Variants in ARHGAP32 observed in about 807,000 individuals in gnomAD.
ARHGAP32 encodes the protein Rho GTPase activating protein 32.
In ARHGAP32, 51 loss-of-function variants were observed where a neutral mutation model predicts 186.5. The ratio of observed to expected loss-of-function variants is 0.27; its 90% CI spans 0.22 to 0.35. The LOEUF (loss-of-function observed/expected upper bound fraction) is 0.35. Ranked by LOEUF, ARHGAP32 falls within the 10% of genes least tolerant of loss-of-function variation. ARHGAP32 has a pLI of 1.00. For missense variants in ARHGAP32, 2,186 were observed against 2,623.5 expected (o/e 0.83, Z 3.64); for synonymous variants, 950 against 964.3 (o/e 0.99, Z 0.27).
At chr11:129,177,716 G>A (rs1016427026) in intron 1 of ARHGAP32, among the ~76,000 whole-genome samples, 4 of 152,058 alleles carry the variant, frequency 2.6e-5, no homozygotes, top group African/African-American at 9.7e-5. Flanking sequence ...ATGCAGAAAA[G>A]GCCTTTGACA....
chr11:129,228,504 C>A (rs1944814533), intron 1 of ARHGAP32, among the ~76,000 whole-genome samples: 1 of 151,958 alleles, frequency 6.6e-6, no homozygotes, highest in Non-Finnish European at 1.5e-5. Context: ...TAAAAGATAA[C>A]AAAATTGGAA....
chr11:129,012,402 C>G (rs1938125507), intron 11 of ARHGAP32, among the ~76,000 whole-genome samples: 1 of 152,180 alleles, frequency 6.6e-6, no homozygotes, highest in African/African-American at 2.4e-5. Context: ...GAAGCTCTAT[C>G]CACTTTAAAA....
chr11:129,085,997 AAAAC>A lies in ARHGAP32; in HGVS notation c.531+7620_531+7623del, dbSNP rs1185381573. 3.2e-4 allele frequency among the ~76,000 whole-genome samples: 48 copies of A among 148,870 alleles called. 1 individual carries two copies. The highest frequency in any genetic ancestry group is 3.4e-4 in the Admixed American group (5 of 14,864). On this transcript the variant is annotated intron_variant, in intron 6 of 22. Transcript: ENST00000682385. ...CAACAGAGCAAGACTCCATCTCAAA[AAAAC>A]AAACAAACAAACAAACAAAAAAAAA... is the stretch of plus-strand genomic sequence containing the variant.
intron 1 of ARHGAP32, among the ~76,000 whole-genome samples, chr11:129,252,249 T>C (rs1287969676): frequency 6.6e-6 from 1 of 152,164 alleles, no homozygotes; most frequent in Non-Finnish European, 1.5e-5. Context: ...TAATTTTGAT[T>C]AGCAATAGAA....
chr11:129,036,380 CAAAAAAAAA>C lies in ARHGAP32; in HGVS notation c.1045+4539_1045+4547del, dbSNP rs58678377. ...GGGCAACAAGAGCGAAACTCCGTCT[CAAAAAAAAA>C]AAAAAAAAAAAAAAAAAGAGAGAAA... is the stretch of plus-strand genomic sequence containing the variant. On this transcript the variant is annotated intron_variant, in intron 11 of 22. Coordinates refer to ENST00000682385, the MANE Select transcript of ARHGAP32 (RefSeq NM_001378024.1). 6.5e-4 allele frequency among the ~76,000 whole-genome samples: 64 copies of C among 98,680 alleles called. 1 individual carries two copies. In the East Asian group the frequency reaches 0.012, roughly 18 times the overall value. The allele number at this position is 98,680 out of a possible 152,430, so 64.7% of individuals were successfully genotyped here.
At chr11:129,205,036 G>A (rs1325065876) in intron 1 of ARHGAP32, among the ~76,000 whole-genome samples, 1 of 152,022 alleles carries the variant, frequency 6.6e-6, no homozygotes, top group African/African-American at 2.4e-5. Flanking sequence ...TTAATCATTT[G>A]AAGAATAAAA....
chr11:128,973,932 ATTGGCCCTT>A, intron 21 of ARHGAP32, 183 bp downstream of exon 21: 1 of 632,586 alleles, frequency 1.6e-6, no homozygotes, highest in Non-Finnish European at 2.7e-6. Flanking sequence ...AAGCAGGACC[ATTGGCCCTT>A]TTGGGGAGTT....
Position 128,973,305 on chromosome 11 carries a change from T to G in ARHGAP32, c.3201A>C (p.Gln1067His), listed in dbSNP as rs1419386021. The G allele has an allele frequency of 6.2e-7, 1 of 1,614,068 alleles. No individual in the cohort carries two copies. The highest frequency in any genetic ancestry group is 8.5e-7 in the Non-Finnish European group (1 of 1,180,036). The change falls in exon 22 of 23, where the codon CAA becomes CAC. Residue 1067 changes from glutamine (Q) to histidine (H), a missense_variant. Gln to His is a conservative substitution (Grantham distance 24). Coordinates refer to ENST00000682385, the MANE Select transcript of ARHGAP32 (RefSeq NM_001378024.1). ...GTCTCTTCAATGACTGAGTTGAGGC[T>G]TGCTGTGCGGACTCAGCTAATGCTA... ...LALALAESAQ[Q>H]ASTQSLKRPG...
At chr11:129,160,628 C>T (rs1358486740) in intron 2 of ARHGAP32, among the ~76,000 whole-genome samples, 3 of 152,094 alleles carry the variant, frequency 2.0e-5, no homozygotes, top group Admixed American at 1.3e-4. Flanking sequence ...TCAAGGAGAA[C>T]TACAAACCAC....
chr11:129,060,819 T>A (rs621989), intron 10 of ARHGAP32, among the ~76,000 whole-genome samples: 42,580 of 151,866 alleles, frequency 0.28, 7,339 homozygotes, highest in African/African-American at 0.49. Context: ...TAAAAAAAAA[T>A]TATACATCAG....
chr11:129,031,675 G>A (rs191674121), intron 11 of ARHGAP32, among the ~76,000 whole-genome samples: 2 of 152,326 alleles, frequency 1.3e-5, no homozygotes, highest in Admixed American at 1.3e-4. Context: ...CTGGGTAGAA[G>A]AGGGTGGTCC....
chr11:129,239,605 C>G (rs1268533983), intron 1 of ARHGAP32, among the ~76,000 whole-genome samples: 1 of 152,202 alleles, frequency 6.6e-6, no homozygotes, highest in African/African-American at 2.4e-5. Flanking sequence ...GCACTTTCGA[C>G]ACCCATAAAA....
chr11:129,208,924 T>C (rs1944547633), intron 1 of ARHGAP32, among the ~76,000 whole-genome samples: 1 of 152,162 alleles, frequency 6.6e-6, no homozygotes, highest in Non-Finnish European at 1.5e-5. Flanking sequence ...GAATTCACTA[T>C]AATCCTTCAA....
intron 11 of ARHGAP32, among the ~76,000 whole-genome samples, chr11:129,026,242 C>T (rs569639875): frequency 1.3e-5 from 2 of 152,066 alleles, no homozygotes; most frequent in Admixed American, 1.3e-4. Context: ...TCCAGGGGAT[C>T]TCTCTGTACT....
intron 1 of ARHGAP32, among the ~76,000 whole-genome samples, chr11:129,246,875 G>A (rs1309810575): frequency 6.6e-6 from 1 of 152,166 alleles, no homozygotes; most frequent in African/African-American, 2.4e-5. Context: ...CATGAACCAT[G>A]CTGTTAAAAT....
At chr11:129,000,625 C>T (rs1481898588) in intron 11 of ARHGAP32, among the ~76,000 whole-genome samples, 2 of 152,086 alleles carry the variant, frequency 1.3e-5, no homozygotes, top group Non-Finnish European at 2.9e-5. Context: ...GCAAAAAGTC[C>T]AATTATAGTA....
At chr11:129,007,249 C>T (rs1368819906) in intron 11 of ARHGAP32, among the ~76,000 whole-genome samples, 2 of 151,980 alleles carry the variant, frequency 1.3e-5, no homozygotes, top group Non-Finnish European at 2.9e-5. Flanking sequence ...ACCTAAGGTG[C>T]AAGACAAAGT....
chr11:129,236,748 T>C (rs909003095), intron 1 of ARHGAP32, among the ~76,000 whole-genome samples: 4 of 152,150 alleles, frequency 2.6e-5, no homozygotes, highest in African/African-American at 4.8e-5. Context: ...GCTTTCTTTC[T>C]TTCTCTGATT....
At chr11:128,999,730 G>A (rs1946303650) in intron 11 of ARHGAP32, among the ~76,000 whole-genome samples, 1 of 152,056 alleles carries the variant, frequency 6.6e-6, no homozygotes, top group South Asian at 2.1e-4. Flanking sequence ...AAAATACTGG[G>A]GGCTGGTTCC....
Sources: allele counts gnomAD v4.1 joint callset (sites outside exome capture counted in the v4.1 genomes callset), GRCh38; gene constraint gnomAD v4.1.1; transcripts MANE v1.5; gene names NCBI Gene and HGNC (gene_info 2026-07-23, HGNC 2026-07-21).